SOCS2: variants seen among roughly 807,000 people sequenced by gnomAD.
The protein encoded by SOCS2 is suppressor of cytokine signaling 2, also known as CIS-2.
Under a neutral mutation model 18.6 loss-of-function variants are expected in SOCS2, and 10 were observed. The ratio of observed to expected loss-of-function variants is 0.54; its 90% CI spans 0.33 to 0.91. SOCS2 has a LOEUF of 0.91. SOCS2 is among the 40% of genes least tolerant of loss of function. SOCS2 has a pLI of 0.02. For missense variants in SOCS2, 231 were observed against 247.2 expected (o/e 0.93, Z 0.44); for synonymous variants, 104 against 104.0 (o/e 1.00, Z 0.00).
chr12:93,609,982 T>C, the SOCS2 span, among the ~76,000 whole-genome samples: 1 of 152,148 alleles, frequency 6.6e-6, no homozygotes, highest in African/African-American at 2.4e-5. Context: ...GAAGTTGCTT[T>C]TAGAAGAAGC....
the SOCS2 span, among the ~76,000 whole-genome samples, chr12:93,593,313 C>CT: frequency 6.6e-6 from 1 of 152,188 alleles, no homozygotes; most frequent in African/African-American, 2.4e-5. Context: ...TACTCAGAAA[C>CT]ACAGCATCTT....
upstream of SOCS2, chr12:93,572,101 C>G (rs1229079872): frequency 1.7e-5 from 3 of 173,046 alleles, no homozygotes; most frequent in South Asian, 3.4e-4. The surrounding 1 kb of genome is among the most constrained non-coding windows in gnomAD (Gnocchi z 5.0). Context: ...CCCAACCCCG[C>G]CAGAGCGGGC....
At chr12:93,571,758 G>C, upstream of SOCS2, 2 of 326,106 alleles carry the variant, frequency 6.1e-6, no homozygotes, top group South Asian at 2.1e-5. Flanking sequence ...CGGGCATCTC[G>C]TTCCCAAATT....
downstream of SOCS2, among the ~76,000 whole-genome samples, chr12:93,578,682 GCACACACACACACA>G (rs10594657): frequency 6.8e-6 from 1 of 146,560 alleles, no homozygotes; most frequent in African/African-American, 2.5e-5. Context: ...TTGCATGCTC[GCACACACACACACA>G]CACACACACA....
chr12:93,622,951 C>T, the SOCS2 span, among the ~76,000 whole-genome samples: 1 of 152,260 alleles, frequency 6.6e-6, no homozygotes, highest in Admixed American at 6.5e-5. Context: ...ACTTTCAGTT[C>T]TTAAAAAAGG....
chr12:93,588,991 C>T, the SOCS2 span, among the ~76,000 whole-genome samples: 2 of 152,184 alleles, frequency 1.3e-5, no homozygotes, highest in Non-Finnish European at 2.9e-5. Context: ...ACCCCATTTC[C>T]TCCAGCAGTT....
At chr12:93,604,417 C>T in the SOCS2 span, among the ~76,000 whole-genome samples, 2 of 152,010 alleles carry the variant, frequency 1.3e-5, no homozygotes, top group African/African-American at 4.8e-5. Flanking sequence ...TATTTTTATG[C>T]TTGAGTTTTA....
At chr12:93,608,176 T>TA in the SOCS2 span, among the ~76,000 whole-genome samples, 1 of 151,760 alleles carries the variant, frequency 6.6e-6, no homozygotes, top group African/African-American at 2.4e-5. Flanking sequence ...TTTGGTTTTT[T>TA]TTTTGGTAAT....
chr12:93,578,893 CAG>C (rs370954587), downstream of SOCS2, among the ~76,000 whole-genome samples: 714 of 152,330 alleles, frequency 4.7e-3, 5 homozygotes, highest in African/African-American at 0.016. Flanking sequence ...CGCTGGGATT[CAG>C]AAGCCAGGCC....
At chr12:93,614,459 CTTCCTTCCTTCCTTCCTTCCT>C in the SOCS2 span, among the ~76,000 whole-genome samples, 4 of 80,740 alleles carry the variant, frequency 5.0e-5, no homozygotes, top group Admixed American at 1.5e-4. Flanking sequence ...TCCTTCCTTC[CTTCCTTCCTTCCTTCCTTCCT>C]TTCCTTCCTT....
chr12:93,583,167 C>G (rs1273012519), exon 2 of SOCS2: 3 of 151,576 alleles, frequency 2.0e-5, no homozygotes, highest in Non-Finnish European at 4.4e-5. Context: ...TGTATGCCAG[C>G]CATCATCATC....
chr12:93,595,922 A>T, the SOCS2 span, among the ~76,000 whole-genome samples: 15 of 150,032 alleles, frequency 1.0e-4, no homozygotes, highest in African/African-American at 3.5e-4. Context: ...TTTTTATGTG[A>T]TTCTTCCAGC....
upstream of SOCS2, chr12:93,571,676 T>A (rs1954257533): frequency 2.7e-5 from 7 of 263,854 alleles, no homozygotes; most frequent in South Asian, 2.0e-4. Context: ...GCAATGATCC[T>A]CGAGGCTTTT....
downstream of SOCS2, among the ~76,000 whole-genome samples, chr12:93,577,279 A>G (rs1204838216): frequency 2.6e-5 from 4 of 152,202 alleles, no homozygotes; most frequent in South Asian, 2.1e-4. Context: ...TTATATTTCA[A>G]TCTTCCATAT....
intron 1 of SOCS2, chr12:93,573,348 C>T (rs1954331589): frequency 4.1e-6 from 2 of 491,726 alleles, no homozygotes; most frequent in Admixed American, 3.8e-5. Context: ...GAACCCCGGC[C>T]GGGGAAAGCG....
downstream of SOCS2, among the ~76,000 whole-genome samples, chr12:93,587,485 T>A (rs865496): frequency 6.6e-6 from 1 of 151,812 alleles, no homozygotes; most frequent in Non-Finnish European, 1.5e-5. Flanking sequence ...ATCGAGACCA[T>A]CCTGGCTAAC....
chr12:93,590,175 T>G, the SOCS2 span, among the ~76,000 whole-genome samples: 1 of 151,562 alleles, frequency 6.6e-6, no homozygotes, highest in Non-Finnish European at 1.5e-5. Flanking sequence ...GTGGAGGTTG[T>G]AGTAAGCTGA....
intron 1 of SOCS2, among the ~76,000 whole-genome samples, chr12:93,582,319 T>C (rs971266661): frequency 6.6e-6 from 1 of 152,176 alleles, no homozygotes; most frequent in African/African-American, 2.4e-5. Context: ...CCTTGGAATT[T>C]ATCCTGAGGG....
the SOCS2 span, among the ~76,000 whole-genome samples, chr12:93,622,337 A>C: frequency 6.6e-6 from 1 of 152,182 alleles, no homozygotes; most frequent in Admixed American, 6.5e-5. Context: ...AAGAGGTCTG[A>C]GGTAGGGTAG....
Sources: gnomAD v4.1 joint callset for allele counts (sites outside exome capture counted in the v4.1 genomes callset) on GRCh38, gnomAD v4.1.1 for gene constraint, Gnocchi (gnomAD v3.1) non-coding constraint, MANE v1.5 for transcripts, NCBI Gene and HGNC (gene_info 2026-07-23, HGNC 2026-07-21) for gene names.